FOXK1: variants seen among roughly 807,000 people sequenced by gnomAD.
The protein encoded by FOXK1 is forkhead box protein K1.
A neutral mutation model predicts 51.9 loss-of-function variants in FOXK1; 19 were observed. The observed-to-expected ratio is 0.37, with a 90% CI of 0.26 to 0.54. FOXK1 has a LOEUF of 0.54. Ranked by LOEUF, FOXK1 falls within the 20% of genes least tolerant of loss-of-function variation. FOXK1 has a pLI of 0.87. For synonymous variants in FOXK1, 537 were observed against 482.6 expected, an observed-to-expected ratio of 1.11 and a Z score of -1.48; for missense variants, 870 against 1,032.7, an observed-to-expected ratio of 0.84 and a Z score of 2.16.
chr7:4,702,897 G>A (rs906884843), intron 1 of FOXK1, among the ~76,000 whole-genome samples: 23 of 152,114 alleles, frequency 1.5e-4, no homozygotes, highest in African/African-American at 5.6e-4. Flanking sequence ...TGTCCCTCTG[G>A]GTGACAGACC....
rs111777581 is a variant in FOXK1, at chr7:4,684,171, C to G, written c.560+1303C>G. On this transcript the variant is annotated intron_variant, in intron 1 of 8. Coordinates refer to ENST00000328914, the MANE Select transcript of FOXK1 (RefSeq NM_001037165.2). ...GATCAGGAGAAAGCCTGTTTAATTA[C>G]TCATTTCCTCTGGAGCCACTTTCTT... Among the ~76,000 whole-genome samples, 99 of 152,324 alleles carry G rather than the reference C, an allele frequency of 6.5e-4. 1 individual carries two copies. Among genetic ancestry groups the G allele is most frequent in the African/African-American group, 2.1e-3 (89 of 41,580 alleles).
chr7:4,755,143 G>T lies in FOXK1; in HGVS notation c.904-94G>T, dbSNP rs771715705. On this transcript the variant is annotated intron_variant, in intron 3 of 8. Coordinates refer to ENST00000328914, the MANE Select transcript of FOXK1 (RefSeq NM_001037165.2). This position sits in a 1 kb window ranked among gnomAD's most constrained non-coding sequence, Gnocchi z 6.6. ...GTGCCGGCAAGACGCGCACATTCTC[G>T]TGGGAAGGTTCCTCCCCATCAGCTG... 1.7e-4 allele frequency: 254 copies of T among 1,494,392 alleles called. No individual in the cohort carries two copies. The highest frequency in any genetic ancestry group is 1.3e-3 in the Middle Eastern group (7 of 5,536). 92.6% of individuals were successfully genotyped at this position (1,494,392 alleles called of 1,614,324 possible).
chr7:4,732,443 C>T (rs1421222330), intron 1 of FOXK1, among the ~76,000 whole-genome samples: 2 of 152,146 alleles, frequency 1.3e-5, no homozygotes, highest in African/African-American at 4.8e-5. Context: ...CAGGTGTGCG[C>T]CACCACACCT....
intron 1 of FOXK1, among the ~76,000 whole-genome samples, chr7:4,725,463 A>G (rs888102414): frequency 1.3e-4 from 20 of 152,196 alleles, no homozygotes; most frequent in African/African-American, 4.8e-4. Context: ...CCAGGGGGAC[A>G]CGGCCTCCTG....
Position 4,682,825 on chromosome 7 carries a change from G to A in FOXK1, c.517G>A (p.Ala173Thr), listed in dbSNP as rs778214493. The change falls in exon 1 of 9, where the codon GCC becomes ACC. Residue 173 changes from alanine (A) to threonine (T), a missense_variant. Ala to Thr is a moderately conservative substitution (Grantham distance 58). This residue lies in a region of FOXK1 where 399 missense variants were observed against 475.6 expected (regional missense o/e 0.84). Coordinates refer to ENST00000328914, the MANE Select transcript of FOXK1 (RefSeq NM_001037165.2). This position sits in a 1 kb window ranked among gnomAD's most constrained non-coding sequence, Gnocchi z 7.6. Reference sequence around the variant, plus strand: ...CAAGAACGGCGTCTTCGTGGACGGGGCCTTCCAGAGACGCGGCGCGCCCGC... The same window carrying A: ...CAAGAACGGCGTCTTCGTGGACGGGACCTTCCAGAGACGCGGCGCGCCCGC... ...LGKNGVFVDG[A>T]FQRRGAPALQ... 6.4e-7 allele frequency: 1 copy of A among 1,572,578 alleles called. No individual in the cohort carries two copies. The highest frequency in any genetic ancestry group is 8.6e-7 in the Non-Finnish European group (1 of 1,165,312).
chr7:4,721,082 G>A lies in FOXK1; in HGVS notation c.561-19756G>A, dbSNP rs142111746. 2.9e-3 allele frequency among the ~76,000 whole-genome samples: 439 copies of A among 152,226 alleles called. 5 individuals are homozygous for A. Among genetic ancestry groups the A allele is most frequent in the African/African-American group, 9.2e-3 (383 of 41,534 alleles). On this transcript the variant is annotated intron_variant, in intron 1 of 8. Coordinates refer to ENST00000328914, the MANE Select transcript of FOXK1 (RefSeq NM_001037165.2). ...TCTCTGCACGGGCCCTCCGTGCCCCGTCCCTTTCTTGCTTTACTCTGTCAC... is the reference window on the plus strand; with the variant it reads ...TCTCTGCACGGGCCCTCCGTGCCCCATCCCTTTCTTGCTTTACTCTGTCAC...
intron 1 of FOXK1, among the ~76,000 whole-genome samples, chr7:4,698,937 C>T (rs552074014): frequency 7.9e-5 from 12 of 152,310 alleles, no homozygotes; most frequent in Admixed American, 2.0e-4. Flanking sequence ...ATCCACCCAC[C>T]TCGGCCTCTC....
intron 1 of FOXK1, among the ~76,000 whole-genome samples, chr7:4,685,484 G>A (rs763705207): frequency 1.3e-4 from 20 of 150,946 alleles, no homozygotes; most frequent in Non-Finnish European, 2.5e-4. Context: ...AAAGTGCTGG[G>A]ATTACAGGCA....
At chr7:4,710,288 G>A (rs954809000) in intron 1 of FOXK1, among the ~76,000 whole-genome samples, 7 of 152,244 alleles carry the variant, frequency 4.6e-5, no homozygotes, top group African/African-American at 1.7e-4. Flanking sequence ...GCTCACGCCT[G>A]TAATCCCAGC....
intron 1 of FOXK1, among the ~76,000 whole-genome samples, chr7:4,739,326 A>T (rs1358587273): frequency 6.6e-6 from 1 of 152,208 alleles, no homozygotes; most frequent in Non-Finnish European, 1.5e-5. Flanking sequence ...ATTTTAAACA[A>T]GAGCCTTTTC....
intron 1 of FOXK1, among the ~76,000 whole-genome samples, chr7:4,724,370 A>AT (rs1363248982): frequency 2.0e-5 from 3 of 151,802 alleles, no homozygotes; most frequent in African/African-American, 7.3e-5. Flanking sequence ...TAATTTATGT[A>AT]TTTTTTTGTA....
chr7:4,721,375 C>T (rs1286817472), intron 1 of FOXK1, among the ~76,000 whole-genome samples: 3 of 152,076 alleles, frequency 2.0e-5, no homozygotes, highest in African/African-American at 7.2e-5. Flanking sequence ...TGGTGAGAAG[C>T]GACCATTCCC....
rs377464608 is a variant in FOXK1 at position 4,759,516 on chromosome 7, C to A, written c.1617C>A (p.Ile539=). ...TTSANSANGY[I]LTSQGAAGGS... is the part of the protein sequence containing the mutation. ...CTGCCAACTCGGCCAACGGATACAT[C>A]CTCACCAGCCAGGGCGCGGCGGGGG... Residue 539 remains isoleucine (I), a synonymous_variant, in exon 7 of 9, where the codon ATC becomes ATA. Transcript: ENST00000328914. 21 of 1,570,946 alleles carry A rather than the reference C, an allele frequency of 1.3e-5. No individual in the cohort carries two copies. The highest frequency in any genetic ancestry group is 1.8e-5 in the Non-Finnish European group (21 of 1,164,662).
Position 4,683,945 on chromosome 7 carries a change from G to C in FOXK1, c.560+1077G>C, listed in dbSNP as rs1277722755. Among the ~76,000 whole-genome samples the C allele has an allele frequency of 6.6e-6, 1 of 152,168 alleles. No homozygotes were observed. Among genetic ancestry groups the C allele is most frequent in the East Asian group, 1.9e-4 (1 of 5,180 alleles). ...CAACTAGTGCTCCTTGGATGGAGTAGCGGGACCCCAAGATCAAATTAGATT... is the reference window on the plus strand; with the variant it reads ...CAACTAGTGCTCCTTGGATGGAGTACCGGGACCCCAAGATCAAATTAGATT... On this transcript the variant is annotated intron_variant, in intron 1 of 8. Transcript: ENST00000328914. This position sits in a 1 kb window ranked among gnomAD's most constrained non-coding sequence, Gnocchi z 4.5.
chr7:4,685,992 TATTATGTTGA>T (rs1454492479), intron 1 of FOXK1, among the ~76,000 whole-genome samples: 11 of 151,668 alleles, frequency 7.3e-5, no homozygotes, highest in African/African-American at 2.7e-4. Context: ...TTCTTAAGCC[TATTATGTTGA>T]AAGTCATTAA....
chr7:4,730,029 C>T lies in FOXK1; in HGVS notation c.561-10809C>T, dbSNP rs150233479. 2.1e-4 allele frequency among the ~76,000 whole-genome samples: 32 copies of T among 152,268 alleles called. 1 individual carries two copies. Among genetic ancestry groups the T allele is most frequent in the African/African-American group, 7.0e-4 (29 of 41,564 alleles). On this transcript the variant is annotated intron_variant, in intron 1 of 8. Coordinates refer to ENST00000328914, the MANE Select transcript of FOXK1 (RefSeq NM_001037165.2). The surrounding 1 kb of genome is among the most constrained non-coding windows in gnomAD (Gnocchi z 4.7). ...AAAAAAGAAAAGGAAAAAGAAAGCC[C>T]GGCTTCGGTCAGACCGTTGTCTGCG...
intron 2 of FOXK1, among the ~76,000 whole-genome samples, chr7:4,741,878 C>T (rs1225577650): frequency 6.6e-6 from 1 of 152,226 alleles, no homozygotes; most frequent in Non-Finnish European, 1.5e-5. Flanking sequence ...ACACGAACCT[C>T]AGGCGACAGC....
rs1001240407 is a variant in FOXK1, at chr7:4,709,456, C to T, written c.560+26588C>T. Reference sequence around the variant, plus strand: ...TAGGCTGCTTATCTGGACTCGATGTCTCCGAGCAGATCGAGGCTGGCCCAC... The same window carrying T: ...TAGGCTGCTTATCTGGACTCGATGTTTCCGAGCAGATCGAGGCTGGCCCAC... On this transcript the variant is annotated intron_variant, in intron 1 of 8. Transcript: ENST00000328914. The surrounding 1 kb of genome is among the most constrained non-coding windows in gnomAD (Gnocchi z 5.6). Among the ~76,000 whole-genome samples the T allele has an allele frequency of 6.6e-6, 1 of 152,176 alleles. No homozygotes were observed. The highest frequency in any genetic ancestry group is 2.4e-5 in the African/African-American group (1 of 41,436).
intron 1 of FOXK1, among the ~76,000 whole-genome samples, chr7:4,713,414 G>A (rs745550465): frequency 6.6e-6 from 1 of 152,080 alleles, no homozygotes; most frequent in Non-Finnish European, 1.5e-5. Flanking sequence ...CCACGGTGCA[G>A]CCACTGCAGC....
Sources: gnomAD v4.1 joint callset for allele counts (sites outside exome capture counted in the v4.1 genomes callset) on GRCh38, gnomAD v4.1.1 for gene constraint, gnomAD v4.1.1 regional missense constraint, Gnocchi (gnomAD v3.1) non-coding constraint, MANE v1.5 for transcripts, NCBI Gene and HGNC (gene_info 2026-07-23, HGNC 2026-07-21) for gene names.